Variants in PRKAG2 observed in about 807,000 individuals in gnomAD.
PRKAG2 encodes the protein protein kinase AMP-activated non-catalytic subunit gamma 2.
PRKAG2 carries 26 observed loss-of-function variants against 69.6 expected under a neutral mutation model. That is an observed-to-expected ratio of 0.37 (90% CI 0.27 to 0.52). The LOEUF (loss-of-function observed/expected upper bound fraction) is 0.52. PRKAG2 is among the 20% of genes least tolerant of loss of function. PRKAG2 has a pLI of 0.90. For synonymous variants in PRKAG2, 293 were observed against 285.0 expected, an observed-to-expected ratio of 1.03 and a Z score of -0.28; for missense variants, 557 against 740.0, an observed-to-expected ratio of 0.75 and a Z score of 2.87.
At chr7:151,574,290 T>C (rs965060830) in intron 8 of PRKAG2, among the ~76,000 whole-genome samples, 3 of 152,070 alleles carry the variant, frequency 2.0e-5, no homozygotes, top group African/African-American at 4.8e-5. Context: ...ACCAAGCAGG[T>C]TGAATCTCAG....
intron 4 of PRKAG2, among the ~76,000 whole-genome samples, chr7:151,643,569 G>A (rs1827105085): frequency 6.6e-6 from 1 of 152,196 alleles, no homozygotes; most frequent in African/African-American, 2.4e-5. Flanking sequence ...GTGATCAAAA[G>A]GAAGTACAAT....
In PRKAG2 at chr7:151,676,112, T is replaced by A. The variant is rs190169693; in HGVS notation, c.467-475A>T. Among the ~76,000 whole-genome samples, 3 of 152,196 alleles carry A rather than the reference T, an allele frequency of 2.0e-5. No homozygotes were observed. The East Asian group carries it at 5.8e-4, about 29-fold the overall frequency. On this transcript the variant is annotated intron_variant, in intron 3 of 15. Transcript: ENST00000287878. ...ATATCATTTGATCTCCTCTCCTTCT[T>A]TCCCCAGCATGGCGCCAAGAGCAAA...
intron 3 of PRKAG2, among the ~76,000 whole-genome samples, chr7:151,750,609 G>A (rs978761481): frequency 3.9e-5 from 6 of 152,186 alleles, no homozygotes; most frequent in Admixed American, 3.3e-4. Context: ...AAGGGGTAAT[G>A]GAGATTGAGG....
At chr7:151,809,342 G>A in intron 1 of PRKAG2, 1 of 441,720 alleles carries the variant, frequency 2.3e-6, no homozygotes, top group Non-Finnish European at 4.6e-6. Context: ...GACTCTCGCA[G>A]TCCACGGCAG....
At position 151,638,462 on chromosome 7, in the gene PRKAG2, C is replaced by T. The variant is rs1184734803; in HGVS notation, c.685-6324G>A. 2.0e-5 allele frequency among the ~76,000 whole-genome samples: 3 copies of T among 152,172 alleles called. No homozygotes were observed. Among genetic ancestry groups the T allele is most frequent in the African/African-American group, 2.4e-5 (1 of 41,520 alleles). ...ATCCTGGCCAACATGGTGAAAACCC[C>T]GTCTCTACTAAAAATACAAAAATTA... On this transcript the variant is annotated intron_variant, in intron 4 of 15. Transcript: ENST00000287878. This position sits in a 1 kb window ranked among gnomAD's most constrained non-coding sequence, Gnocchi z 4.3.
chr7:151,677,039 T>C (rs1833056958), intron 3 of PRKAG2, among the ~76,000 whole-genome samples: 1 of 152,242 alleles, frequency 6.6e-6, no homozygotes, highest in African/African-American at 2.4e-5. Flanking sequence ...TTTGAACTTC[T>C]GGCCTTCAGG....
intron 1 of PRKAG2, among the ~76,000 whole-genome samples, chr7:151,856,644 ATG>A (rs2079783196): frequency 6.6e-6 from 1 of 152,224 alleles, no homozygotes; most frequent in Non-Finnish European, 1.5e-5. Flanking sequence ...ATGGCAAAAT[ATG>A]TGAAAGACGT....
intron 1 of PRKAG2, among the ~76,000 whole-genome samples, chr7:151,860,585 C>T (rs1023574094): frequency 6.6e-6 from 1 of 152,122 alleles, no homozygotes; most frequent in Non-Finnish European, 1.5e-5. Context: ...CCACCCGAGG[C>T]CCACTGCAGA....
chr7:151,860,693 CA>C (rs2079896945), intron 1 of PRKAG2, among the ~76,000 whole-genome samples: 1 of 152,170 alleles, frequency 6.6e-6, no homozygotes, highest in Non-Finnish European at 1.5e-5. Context: ...CCCCATTAGA[CA>C]GCAAATGCCC....
chr7:151,693,479 T>G (rs1194665128), intron 3 of PRKAG2, among the ~76,000 whole-genome samples: 2 of 152,230 alleles, frequency 1.3e-5, no homozygotes, highest in African/African-American at 4.8e-5. Context: ...ACGAGAGGGT[T>G]CTATGCAATG....
chr7:151,659,846 A>G (rs951644497), intron 4 of PRKAG2, among the ~76,000 whole-genome samples: 5 of 152,238 alleles, frequency 3.3e-5, no homozygotes, highest in Admixed American at 3.3e-4. Flanking sequence ...GGAATGGATT[A>G]AGTATATATT....
Position 151,830,513 on chromosome 7 carries a change from G to A in PRKAG2, c.115-43972C>T, listed in dbSNP as rs563004951. Among the ~76,000 whole-genome samples the A allele has an allele frequency of 5.9e-4, 90 of 152,124 alleles. No individual in the cohort carries two copies. In the Middle Eastern group the frequency reaches 0.017, roughly 29 times the overall value. On this transcript the variant is annotated intron_variant, in intron 1 of 15. Coordinates refer to ENST00000287878, the MANE Select transcript of PRKAG2 (RefSeq NM_016203.4). ...TCCTTTGAGGTAACACACGGAGCTG[G>A]AAGGACTGGGGGACGGAAACTCTGA...
At chr7:151,580,602 G>A (rs1226969230) in intron 6 of PRKAG2, among the ~76,000 whole-genome samples, 1 of 152,098 alleles carries the variant, frequency 6.6e-6, no homozygotes, top group Admixed American at 6.6e-5. Context: ...TTGGGACTTG[G>A]TAAAATTATT....
rs73475446 is a variant in PRKAG2 at position 151,585,357 on chromosome 7, A to C, written c.865-8905T>G. ...CGGCTCAACAGGTTGTTTCTGTGGA[A>C]TATGACAAGAGTAAGGCACAGGAGC... On this transcript the variant is annotated intron_variant, in intron 6 of 15. Coordinates refer to ENST00000287878, the MANE Select transcript of PRKAG2 (RefSeq NM_016203.4). 3.0e-3 allele frequency among the ~76,000 whole-genome samples: 454 copies of C among 152,326 alleles called. 4 individuals carry two copies. Among genetic ancestry groups the C allele is most frequent in the Middle Eastern group, 0.017 (5 of 294 alleles).
chr7:151,558,372 C>T, intron 15 of PRKAG2: 2 of 985,444 alleles, frequency 2.0e-6, no homozygotes, highest in South Asian at 4.7e-5. Context: ...GGGCACTGCG[C>T]CTCATTGCAC....
chr7:151,617,076 G>A (rs2538046), intron 5 of PRKAG2, among the ~76,000 whole-genome samples: 62,262 of 151,576 alleles, frequency 0.41, 14,624 homozygotes, highest in East Asian at 0.7. Flanking sequence ...CCTGACCAAC[G>A]TGGAGAAACC....
intron 5 of PRKAG2, among the ~76,000 whole-genome samples, chr7:151,599,236 C>A (rs1009539051): frequency 6.6e-6 from 1 of 152,146 alleles, no homozygotes; most frequent in African/African-American, 2.4e-5. Flanking sequence ...CACCGTCCAA[C>A]CAATCATGGA....
intron 1 of PRKAG2, among the ~76,000 whole-genome samples, chr7:151,805,276 C>T (rs2078045059): frequency 1.3e-5 from 2 of 152,170 alleles, no homozygotes; most frequent in African/African-American, 2.4e-5. Flanking sequence ...TATGAGGAAG[C>T]TCAAGCCAGC....
At position 151,622,379 on chromosome 7, in the gene PRKAG2, C is replaced by T. The variant is rs147287822; in HGVS notation, c.754+9690G>A. 1.6e-3 allele frequency among the ~76,000 whole-genome samples: 249 copies of T among 152,290 alleles called. 1 individual carries two copies. The highest frequency in any genetic ancestry group is 5.7e-3 in the African/African-American group (237 of 41,568). On this transcript the variant is annotated intron_variant, in intron 5 of 15. Transcript: ENST00000287878. Reference sequence around the variant, plus strand: ...CGTCCTCTGACAGTTTCTACTATGGCGTGCCATTGTTTTTACACTGTGTGA... The same window carrying T: ...CGTCCTCTGACAGTTTCTACTATGGTGTGCCATTGTTTTTACACTGTGTGA...
Sources: gnomAD v4.1 joint callset for allele counts (sites outside exome capture counted in the v4.1 genomes callset) on GRCh38, gnomAD v4.1.1 for gene constraint, Gnocchi (gnomAD v3.1) non-coding constraint, MANE v1.5 for transcripts, NCBI Gene and HGNC (gene_info 2026-07-23, HGNC 2026-07-21) for gene names.